TMEM178B: variants seen among roughly 807,000 people sequenced by gnomAD.
TMEM178B encodes transmembrane protein 178B.
A neutral mutation model predicts 31.0 loss-of-function variants in TMEM178B; 5 were observed. That is an observed-to-expected ratio of 0.16 (90% confidence interval 0.08 to 0.34). The LOEUF (loss-of-function observed/expected upper bound fraction) is 0.34, where lower values mean the gene tolerates loss of function less well. TMEM178B is among the 10% of genes least tolerant of loss of function. The pLI, the probability that TMEM178B is intolerant of heterozygous loss-of-function variation, is 1.00. For synonymous variants in TMEM178B, 164 were observed against 164.0 expected (o/e 1.00, Z 0.00); for missense variants, 275 against 400.3 (o/e 0.69, Z 2.67).
At chr7:141,349,880 C>T (rs1005056865) in intron 2 of TMEM178B, among the ~76,000 whole-genome samples, 7 of 152,106 alleles carry the variant, frequency 4.6e-5, no homozygotes, top group South Asian at 2.1e-4. Context: ...GCAGCCCCCT[C>T]GTTGTTTATT....
In TMEM178B at chr7:141,176,824, G is replaced by A. The variant is rs565538093; in HGVS notation, c.383-35767G>A. On this transcript the variant is annotated intron_variant, in intron 1 of 3. Transcript: ENST00000565468. ...TGATATCCTCTTTATCATTTTTTAT[G>A]CGTCTATTTGATTCTTCTCTCTTTT... Among the ~76,000 whole-genome samples the A allele has an allele frequency of 7.9e-5, 12 of 152,144 alleles. No individual in the cohort carries two copies. The South Asian group carries it at 1.5e-3, about 18-fold the overall frequency.
At chr7:141,293,224 C>A (rs1372957987) in intron 2 of TMEM178B, among the ~76,000 whole-genome samples, 1 of 152,104 alleles carries the variant, frequency 6.6e-6, no homozygotes, top group African/African-American at 2.4e-5. Context: ...ATACTGGGGA[C>A]CCCTAGAAAA....
chr7:141,207,016 A>G (rs934482421), intron 1 of TMEM178B, among the ~76,000 whole-genome samples: 2 of 152,208 alleles, frequency 1.3e-5, no homozygotes, highest in Non-Finnish European at 1.5e-5. Flanking sequence ...GAGAATTCAT[A>G]TAAGTGGAAT....
chr7:141,336,957 CCAT>C (rs1799411347), intron 2 of TMEM178B, among the ~76,000 whole-genome samples: 3 of 112,194 alleles, frequency 2.7e-5, no homozygotes, highest in African/African-American at 3.9e-5. Flanking sequence ...ACCACCACCA[CCAT>C]CACTACCACC....
intron 2 of TMEM178B, among the ~76,000 whole-genome samples, chr7:141,423,810 T>G (rs904309169): frequency 2.0e-5 from 3 of 147,774 alleles, no homozygotes; most frequent in Admixed American, 6.7e-5. Flanking sequence ...TTTGTGTTTT[T>G]TTTTTTTTTT....
chr7:141,145,332 C>T (rs2129179773), intron 1 of TMEM178B, among the ~76,000 whole-genome samples: 1 of 152,296 alleles, frequency 6.6e-6, no homozygotes, highest in African/African-American at 2.4e-5. Context: ...GCCTCAGATC[C>T]ACCTCTTCCC....
In TMEM178B at chr7:141,472,612, A is replaced by G. The variant is rs1240061197; in HGVS notation, c.*1826A>G. 1 of 152,206 alleles carries G rather than the reference A, an allele frequency of 6.6e-6. No homozygotes were observed. The highest frequency in any genetic ancestry group is 1.5e-5 in the Non-Finnish European group (1 of 68,054). 9.4% of individuals were successfully genotyped at this position (152,206 alleles called of 1,614,324 possible). A position where few individuals can be genotyped will look rare whatever the true frequency, so the allele number is the denominator to read the frequency against. ...GTGTAGCAGAGAATCCCCTTGTTTC[A>G]TAAACAAATATGCTTTGGGAGCTTT... On this transcript the variant is annotated 3_prime_UTR_variant, in exon 4 of 4. Coordinates refer to ENST00000565468, the MANE Select transcript of TMEM178B (RefSeq NM_001195278.2).
intron 2 of TMEM178B, among the ~76,000 whole-genome samples, chr7:141,434,662 A>G (rs995543969): frequency 2.6e-5 from 4 of 152,198 alleles, no homozygotes; most frequent in Non-Finnish European, 5.9e-5. Context: ...GCTATTTTGA[A>G]GTACACAATA....
At chr7:141,220,354 AAT>A (rs1563122138) in intron 2 of TMEM178B, among the ~76,000 whole-genome samples, 4 of 127,608 alleles carry the variant, frequency 3.1e-5, no homozygotes, top group African/African-American at 1.5e-4. Context: ...TAATAATAAT[AAT>A]AATAAAATAA....
At chr7:141,300,876 T>C (rs1222384484) in intron 2 of TMEM178B, among the ~76,000 whole-genome samples, 1 of 152,174 alleles carries the variant, frequency 6.6e-6, no homozygotes, top group Non-Finnish European at 1.5e-5. Flanking sequence ...TTCTTAATTT[T>C]ATTTTCTTTC....
chr7:141,187,416 C>T (rs1563111535), intron 1 of TMEM178B, among the ~76,000 whole-genome samples: 2 of 152,094 alleles, frequency 1.3e-5, no homozygotes, highest in Non-Finnish European at 2.9e-5. Flanking sequence ...GTGCATGTGT[C>T]TTTGTAGCAG....
intron 2 of TMEM178B, among the ~76,000 whole-genome samples, chr7:141,329,377 G>A (rs547841936): frequency 6.6e-5 from 10 of 152,252 alleles, no homozygotes; most frequent in African/African-American, 2.2e-4. Context: ...TGGCCATCAC[G>A]GTTGCCATTC....
At chr7:141,347,722 G>T (rs971671987) in intron 2 of TMEM178B, among the ~76,000 whole-genome samples, 3 of 151,044 alleles carry the variant, frequency 2.0e-5, no homozygotes, top group Non-Finnish European at 4.4e-5. Flanking sequence ...CCCACCCCCC[G>T]TCTGCCTTCT....
At chr7:141,248,608 A>C (rs1053769040) in intron 2 of TMEM178B, among the ~76,000 whole-genome samples, 2 of 152,194 alleles carry the variant, frequency 1.3e-5, no homozygotes, top group Non-Finnish European at 2.9e-5. Flanking sequence ...TACTATACTG[A>C]ATTGTACACA....
chr7:141,270,857 T>C (rs1405275962), intron 2 of TMEM178B, among the ~76,000 whole-genome samples: 1 of 152,206 alleles, frequency 6.6e-6, no homozygotes, highest in Non-Finnish European at 1.5e-5. Context: ...TGTGTAAGAA[T>C]GTTTCCATCA....
chr7:141,225,851 C>T (rs1797333698), intron 2 of TMEM178B, among the ~76,000 whole-genome samples: 1 of 152,122 alleles, frequency 6.6e-6, no homozygotes, highest in African/African-American at 2.4e-5. Context: ...AGTCCAGAAA[C>T]CCAACCAAGG....
rs184031351 is a variant in TMEM178B, at chr7:141,184,499, A to G, written c.383-28092A>G. On this transcript the variant is annotated intron_variant, in intron 1 of 3. Coordinates refer to ENST00000565468, the MANE Select transcript of TMEM178B (RefSeq NM_001195278.2). ...GCCAGCAAGACCCACACTATGGTCT[A>G]TTTAGCCCCAACTTTGAGGGTCTCC... 2.1e-3 allele frequency among the ~76,000 whole-genome samples: 322 copies of G among 152,236 alleles called. 1 individual carries two copies. The highest frequency in any genetic ancestry group is 3.6e-3 in the Non-Finnish European group (245 of 68,004).
intron 3 of TMEM178B, among the ~76,000 whole-genome samples, chr7:141,441,101 C>T (rs1325879723): frequency 6.6e-6 from 1 of 152,190 alleles, no homozygotes; most frequent in African/African-American, 2.4e-5. Context: ...GTCCAGAAGT[C>T]CCAGGCAGCT....
At chr7:141,138,603 T>G (rs574747315) in intron 1 of TMEM178B, among the ~76,000 whole-genome samples, 1 of 151,690 alleles carries the variant, frequency 6.6e-6, no homozygotes, top group East Asian at 2.0e-4. Flanking sequence ...ATGCTGGACT[T>G]GGGAAGCAGT....
Sources: allele counts gnomAD v4.1 joint callset (sites outside exome capture counted in the v4.1 genomes callset), GRCh38; gene constraint gnomAD v4.1.1; transcripts MANE v1.5; gene names NCBI Gene and HGNC (gene_info 2026-07-23, HGNC 2026-07-21).